IRGM: variants seen among roughly 807,000 people sequenced by gnomAD.
IRGM encodes immunity related GTPase M, also known as immunity-related GTPase family M protein.
For missense variants in IRGM, 288 were observed against 219.9 expected (o/e 1.31, Z -1.96); for synonymous variants, 98 against 80.6 (o/e 1.22, Z -1.16).
downstream of IRGM, among the ~76,000 whole-genome samples, chr5:150,850,498 G>A (rs1298774): frequency 4.1e-4 from 63 of 152,294 alleles, no homozygotes; most frequent in Non-Finnish European, 7.4e-4. Context: ...AGTTCTGCAA[G>A]GATATTATGG....
At chr5:150,877,821 C>T (rs529605723) in intron 1 of IRGM, among the ~76,000 whole-genome samples, 40 of 152,232 alleles carry the variant, frequency 2.6e-4, no homozygotes, top group South Asian at 6.2e-4. Context: ...CAGAATTTCA[C>T]GGGTGACCTA....
intron 1 of IRGM, among the ~76,000 whole-genome samples, chr5:150,858,002 T>C (rs1330044759): frequency 7.4e-4 from 113 of 152,278 alleles, no homozygotes; most frequent in African/African-American, 2.6e-3. Flanking sequence ...TCCTTGCCCA[T>C]GCCTATGTCC....
At chr5:150,857,767 G>T (rs1440927281) in intron 1 of IRGM, among the ~76,000 whole-genome samples, 1 of 152,170 alleles carries the variant, frequency 6.6e-6, no homozygotes, top group Non-Finnish European at 1.5e-5. Context: ...CCCACTTTTT[G>T]ATGGGGTTGT....
chr5:150,887,539 C>G (rs1190740272), intron 3 of IRGM, among the ~76,000 whole-genome samples: 3 of 151,604 alleles, frequency 2.0e-5, no homozygotes, highest in Non-Finnish European at 4.4e-5. Flanking sequence ...TGAAAACTTC[C>G]CCAACCTTGC....
At chr5:150,870,301 T>C (rs1158837540) in intron 1 of IRGM, among the ~76,000 whole-genome samples, 1 of 151,996 alleles carries the variant, frequency 6.6e-6, no homozygotes, top group South Asian at 2.1e-4. Context: ...ATTTTGGGGG[T>C]TTACATTTTG....
At chr5:150,865,366 ACT>A (rs10573211) in intron 1 of IRGM, among the ~76,000 whole-genome samples, 31,128 of 152,044 alleles carry the variant, frequency 0.2, 5,066 homozygotes, top group African/African-American at 0.44. Context: ...TTACATATAA[ACT>A]CAAATATATC....
At chr5:150,895,720 G>A in intron 3 of IRGM, 1 of 1,613,642 alleles carries the variant, frequency 6.2e-7, no homozygotes, top group Non-Finnish European at 8.5e-7. Flanking sequence ...CCAATGAGAT[G>A]TGACTTCTGG....
At chr5:150,850,629 T>TTTAA (rs541380764), downstream of IRGM, among the ~76,000 whole-genome samples, 142 of 152,276 alleles carry the variant, frequency 9.3e-4, 1 homozygote, top group African/African-American at 3.3e-3. Context: ...GGTGCCATTA[T>TTTAA]TAGCTTACTT....
chr5:150,896,189 T>C (rs761818091), intron 3 of IRGM: 1 of 1,613,596 alleles, frequency 6.2e-7, no homozygotes, highest in Non-Finnish European at 8.5e-7. Context: ...CATAGGGTTT[T>C]TCCCCAGTGT....
intron 3 of IRGM, among the ~76,000 whole-genome samples, chr5:150,886,976 AT>A (rs1754535231): frequency 6.6e-6 from 1 of 151,358 alleles, no homozygotes; most frequent in African/African-American, 2.4e-5. Flanking sequence ...TGCTTCTCTA[AT>A]TTTTTCCATT....
At chr5:150,873,097 C>A (rs1754308990) in intron 1 of IRGM, among the ~76,000 whole-genome samples, 2 of 152,128 alleles carry the variant, frequency 1.3e-5, no homozygotes, top group Non-Finnish European at 2.9e-5. Context: ...GCAAGGTGGG[C>A]ATAGCTACCA....
intron 1 of IRGM, among the ~76,000 whole-genome samples, chr5:150,867,927 CTG>C (rs1191071502): frequency 4.6e-5 from 7 of 151,756 alleles, no homozygotes; most frequent in Non-Finnish European, 8.8e-5. Flanking sequence ...TTCTTCCACT[CTG>C]TGGGTTGTCT....
At chr5:150,896,224 A>G (rs1754770638) in intron 3 of IRGM, 8 of 1,613,540 alleles carry the variant, frequency 5.0e-6, no homozygotes, top group Admixed American at 1.7e-5. Flanking sequence ...ATAATAAGGG[A>G]CGATTTCTGA....
chr5:150,862,659 T>C (rs1356183168), intron 1 of IRGM, among the ~76,000 whole-genome samples: 3 of 152,204 alleles, frequency 2.0e-5, no homozygotes, highest in Non-Finnish European at 4.4e-5. Context: ...TGACCTACTC[T>C]AGGTATGTAA....
At chr5:150,892,076 A>T (rs968407493) in intron 3 of IRGM, among the ~76,000 whole-genome samples, 1 of 152,146 alleles carries the variant, frequency 6.6e-6, no homozygotes, top group African/African-American at 2.4e-5. Flanking sequence ...TAAAGATCCA[A>T]CATGATTATC....
At chr5:150,890,503 T>C (rs1356792188) in intron 3 of IRGM, among the ~76,000 whole-genome samples, 2 of 151,974 alleles carry the variant, frequency 1.3e-5, no homozygotes, top group African/African-American at 2.4e-5. Flanking sequence ...ATTCTGCTGT[T>C]TATAATGCAT....
chr5:150,875,984 C>T (rs563310551), intron 1 of IRGM, among the ~76,000 whole-genome samples: 1 of 152,286 alleles, frequency 6.6e-6, no homozygotes, highest in Middle Eastern at 3.4e-3. Flanking sequence ...CACAGAATGC[C>T]TTATCCACCA....
At chr5:150,884,479 C>T (rs1382913901) in intron 3 of IRGM, among the ~76,000 whole-genome samples, 4 of 152,082 alleles carry the variant, frequency 2.6e-5, no homozygotes, top group Non-Finnish European at 4.4e-5. Context: ...GCTTTTAGCT[C>T]TTTGAAGAAT....
intron 1 of IRGM, among the ~76,000 whole-genome samples, chr5:150,870,921 T>C (rs1023962949): frequency 2.6e-5 from 4 of 151,806 alleles, no homozygotes; most frequent in Non-Finnish European, 2.9e-5. Context: ...CTTGATCGAA[T>C]CTGAAGGAAA....
Sources: allele counts gnomAD v4.1 joint callset (sites outside exome capture counted in the v4.1 genomes callset), GRCh38; gene constraint gnomAD v4.1.1; transcripts MANE v1.5; gene names NCBI Gene and HGNC (gene_info 2026-07-23, HGNC 2026-07-21).